Variants in DNAH9 observed in about 807,000 individuals in gnomAD.
The protein encoded by DNAH9 is DNAH9 variant protein.
A neutral mutation model predicts 471.6 loss-of-function variants in DNAH9; 345 were observed. That is an observed-to-expected ratio of 0.73 (90% CI 0.67 to 0.80). DNAH9 has a LOEUF of 0.80. DNAH9 is among the 30% of genes least tolerant of loss of function. DNAH9 has a pLI of 0.00. For missense variants in DNAH9, 5,407 were observed against 5,609.2 expected (o/e 0.96, Z 1.15); for synonymous variants, 2,093 against 2,123.6 (o/e 0.99, Z 0.40).
intron 30 of DNAH9, among the ~76,000 whole-genome samples, chr17:11,743,758 G>A (rs918843699): frequency 6.6e-6 from 1 of 151,818 alleles, no homozygotes; most frequent in Non-Finnish European, 1.5e-5. Context: ...TTTCCTTAGG[G>A]AAGTCTGATC....
chr17:11,845,864 G>T, intron 49 of DNAH9, among the ~76,000 whole-genome samples: 1 of 142,180 alleles, frequency 7.0e-6, no homozygotes, highest in Non-Finnish European at 1.5e-5. Context: ...TTTTTTTCTT[G>T]TAAATTTGTT....
intron 26 of DNAH9, among the ~76,000 whole-genome samples, chr17:11,712,592 C>T (rs1245216752): frequency 6.6e-6 from 1 of 152,032 alleles, no homozygotes; most frequent in South Asian, 2.1e-4. Context: ...TACTATTGTC[C>T]GTTTTATTTC....
intron 59 of DNAH9, among the ~76,000 whole-genome samples, chr17:11,895,244 G>T (rs1973184177): frequency 6.6e-6 from 1 of 152,150 alleles, no homozygotes; most frequent in South Asian, 2.1e-4. Context: ...ACAATGCCTG[G>T]CAGGGAATGC....
chr17:11,730,470 AAT>A (rs770838514), intron 28 of DNAH9, among the ~76,000 whole-genome samples: 1 of 152,220 alleles, frequency 6.6e-6, no homozygotes, highest in Non-Finnish European at 1.5e-5. Context: ...TAAGAAATCA[AAT>A]ATGTTTCCTG....
rs1973057745 is a variant in DNAH9 at position 11,891,780 on chromosome 17, T to G, written c.11116T>G (p.Phe3706Val). The change falls in exon 58 of 69, where the codon TTC becomes GTC. Residue 3706 changes from phenylalanine (F) to valine (V), a missense_variant. Physicochemically the swap from Phe to Val is conservative, Grantham distance 50. Around this residue, in one of 3 missense-constraint regions of DNAH9, gnomAD observed 4,636 missense variants for 4,900.3 expected, o/e 0.95. Transcript: ENST00000262442. ...GTTTCCTGTCTTCTGTCCCCAGGCCTTCAGTATCGTCTTCCAGAAGGCTGT... is the reference window on the plus strand; with the variant it reads ...GTTTCCTGTCTTCTGTCCCCAGGCCGTCAGTATCGTCTTCCAGAAGGCTGT... ...HPMYQFSLKA[F>V]SIVFQKAVER... 1 of 1,613,932 alleles carries G rather than the reference T, an allele frequency of 6.2e-7. No homozygotes were observed. Among genetic ancestry groups the G allele is most frequent in the South Asian group, 1.1e-5 (1 of 91,076 alleles).
At chr17:11,936,941 AAAG>A (rs1464853926) in intron 65 of DNAH9, among the ~76,000 whole-genome samples, 2 of 152,138 alleles carry the variant, frequency 1.3e-5, no homozygotes, top group African/African-American at 4.8e-5. Context: ...AGGGGAGAGA[AAAG>A]AAGGAAAGGT....
intron 1 of DNAH9, among the ~76,000 whole-genome samples, chr17:11,601,674 G>A (rs1341642071): frequency 6.6e-6 from 1 of 151,902 alleles, no homozygotes; most frequent in Non-Finnish European, 1.5e-5. Flanking sequence ...CTCTTTCAAG[G>A]CTTGTTGGCC....
intron 57 of DNAH9, among the ~76,000 whole-genome samples, chr17:11,888,046 G>A (rs1354378388): frequency 1.3e-5 from 2 of 151,264 alleles, no homozygotes; most frequent in Admixed American, 6.6e-5. Context: ...GCAGAGGCGC[G>A]ATCTCGGCTT....
intron 29 of DNAH9, among the ~76,000 whole-genome samples, chr17:11,739,599 T>A (rs2075402282): frequency 6.6e-6 from 1 of 152,224 alleles, no homozygotes; most frequent in South Asian, 2.1e-4. Context: ...TTGATACACA[T>A]TGCCAAATTG....
intron 49 of DNAH9, among the ~76,000 whole-genome samples, chr17:11,841,464 G>A (rs1971028154): frequency 6.6e-6 from 1 of 152,172 alleles, no homozygotes; most frequent in Admixed American, 6.5e-5. Context: ...TCACACGTGA[G>A]AGGAGGGTAG....
intron 41 of DNAH9, 148 bp downstream of exon 41, chr17:11,784,687 C>A: frequency 8.6e-7 from 1 of 1,161,554 alleles, no homozygotes. Context: ...CAGGTACACA[C>A]AGTGCCATGG....
At chr17:11,724,411 T>C (rs1304768739) in intron 27 of DNAH9, among the ~76,000 whole-genome samples, 1 of 152,234 alleles carries the variant, frequency 6.6e-6, no homozygotes, top group African/African-American at 2.4e-5. Flanking sequence ...CTCTCACATA[T>C]GAATGACAGC....
chr17:11,808,480 C>T (rs1969771652), intron 44 of DNAH9, among the ~76,000 whole-genome samples: 2 of 152,162 alleles, frequency 1.3e-5, no homozygotes, highest in South Asian at 4.1e-4. Flanking sequence ...GCTGCTCTTG[C>T]TCTTCCTGGA....
chr17:11,780,820 A>G (rs1968638482), intron 38 of DNAH9, among the ~76,000 whole-genome samples, 189 bp from the exon 39 acceptor site: 1 of 152,270 alleles, frequency 6.6e-6, no homozygotes, highest in African/African-American at 2.4e-5. Context: ...TAGTAATTTC[A>G]GTTTCACTTT....
At chr17:11,729,853 G>A (rs2075227496) in intron 28 of DNAH9, among the ~76,000 whole-genome samples, 1 of 152,176 alleles carries the variant, frequency 6.6e-6, no homozygotes, top group Non-Finnish European at 1.5e-5. Flanking sequence ...TGTGGGTGGG[G>A]CACTGAAGCA....
chr17:11,961,036 C>T (rs974042397), intron 67 of DNAH9, among the ~76,000 whole-genome samples: 10 of 151,734 alleles, frequency 6.6e-5, no homozygotes, highest in Non-Finnish European at 1.5e-4. Context: ...GTGTTCAGGC[C>T]GGGCGCGGTG....
At chr17:11,955,928 A>G (rs1597873918) in intron 67 of DNAH9, among the ~76,000 whole-genome samples, 1 of 152,334 alleles carries the variant, frequency 6.6e-6, no homozygotes, top group East Asian at 1.9e-4. Flanking sequence ...TTGTAAACCA[A>G]ATTGTTTGCA....
chr17:11,831,914 T>C (rs2150951034), intron 48 of DNAH9, among the ~76,000 whole-genome samples: 1 of 152,230 alleles, frequency 6.6e-6, no homozygotes, highest in South Asian at 2.1e-4. Flanking sequence ...CACTGTATTG[T>C]CACCCCACTC....
intron 67 of DNAH9, among the ~76,000 whole-genome samples, chr17:11,946,651 A>G (rs1244302398): frequency 2.3e-4 from 33 of 146,094 alleles, no homozygotes; most frequent in Admixed American, 1.4e-4. Flanking sequence ...GCCACAGAGC[A>G]AGACTCCATC....
Sources: allele counts gnomAD v4.1 joint callset (sites outside exome capture counted in the v4.1 genomes callset), GRCh38; gene constraint gnomAD v4.1.1; regional missense constraint gnomAD v4.1.1; transcripts MANE v1.5; gene names NCBI Gene and HGNC (gene_info 2026-07-23, HGNC 2026-07-21).